STK3: variants seen among roughly 807,000 people sequenced by gnomAD.
The protein encoded by STK3 is serine/threonine kinase 3, also known as serine/threonine-protein kinase 3.
Under a neutral mutation model 58.0 loss-of-function variants are expected in STK3, and 41 were observed. That is an observed-to-expected ratio of 0.71 (90% CI 0.55 to 0.92). STK3 has a LOEUF of 0.92. Among genes scored for constraint, STK3 ranks in the 40% least tolerant of loss-of-function variants. The probability of loss-of-function intolerance (pLI) is 0.00; values close to 1 mark genes in which losing one functional copy is unlikely to be tolerated. For synonymous variants in STK3, 170 were observed against 191.0 expected, an observed-to-expected ratio of 0.89 and a Z score of 0.91; for missense variants, 479 against 602.7, an observed-to-expected ratio of 0.79 and a Z score of 2.15.
At chr8:98,405,373 A>G (rs552083102) in intron 3 of STK3, among the ~76,000 whole-genome samples, 1 of 152,356 alleles carries the variant, frequency 6.6e-6, no homozygotes, top group East Asian at 1.9e-4. Context: ...TAAAGTGCTT[A>G]GGATTTGTCT....
At chr8:98,412,651 A>G (rs1336641340) in intron 3 of STK3, among the ~76,000 whole-genome samples, 2 of 152,226 alleles carry the variant, frequency 1.3e-5, no homozygotes, top group African/African-American at 4.8e-5. Flanking sequence ...AAGCAGTTGC[A>G]TATCTATCAG....
chr8:98,349,578 A>C, the STK3 span, among the ~76,000 whole-genome samples: 5 of 152,222 alleles, frequency 3.3e-5, no homozygotes, highest in South Asian at 6.2e-4. Flanking sequence ...TCCTTTCTGC[A>C]CTGCCCTAGC....
At chr8:98,422,535 G>A (rs1358792150) in intron 3 of STK3, among the ~76,000 whole-genome samples, 2 of 152,198 alleles carry the variant, frequency 1.3e-5, no homozygotes, top group Non-Finnish European at 2.9e-5. Context: ...CCTCTTCCAA[G>A]GAGGAGGAGA....
rs1825968390 is a variant in STK3 at position 98,706,456 on chromosome 8, A to G, written c.684+11T>C. 6.3e-7 allele frequency: 1 copy of G among 1,598,426 alleles called. No individual in the cohort carries two copies. The highest frequency in any genetic ancestry group is 8.5e-7 in the Non-Finnish European group (1 of 1,174,196). ...AAGGCTAACATTTTCAGCAAACCAT[A>G]ATTTTCTTACCCTCATTGGATGTAT... On this transcript the variant is annotated intron_variant, in intron 6 of 10. Transcript: ENST00000419617.
chr8:98,929,210 G>A (rs1322347586), intron 1 of STK3, among the ~76,000 whole-genome samples: 1 of 152,082 alleles, frequency 6.6e-6, no homozygotes, highest in Non-Finnish European at 1.5e-5. Context: ...AGGTTGCAGT[G>A]AACTGAGCAC....
intron 10 of STK3, among the ~76,000 whole-genome samples, chr8:98,497,182 A>C (rs1050142116): frequency 8.5e-5 from 13 of 152,158 alleles, no homozygotes; most frequent in Admixed American, 4.6e-4. Flanking sequence ...GCAGGGTACC[A>C]AGATAACTCA....
intron 9 of STK3, among the ~76,000 whole-genome samples, chr8:98,544,500 A>G (rs770642940): frequency 2.0e-5 from 3 of 152,164 alleles, no homozygotes; most frequent in Non-Finnish European, 2.9e-5. Flanking sequence ...CTGAATGGGT[A>G]TCTTAAGGAA....
At chr8:98,596,220 CAAAT>C in intron 6 of STK3, 51 bp from the exon 7 acceptor site, 1 of 1,531,096 alleles carries the variant, frequency 6.5e-7, no homozygotes, top group South Asian at 1.3e-5. Context: ...CTAGCACAAT[CAAAT>C]AAACAAATCT....
chr8:98,621,247 G>C (rs1281668137), intron 6 of STK3, among the ~76,000 whole-genome samples: 3 of 152,184 alleles, frequency 2.0e-5, no homozygotes, highest in Non-Finnish European at 4.4e-5. Flanking sequence ...GCCAACAACT[G>C]ATTTTTATAT....
At chr8:98,865,321 GC>G (rs1311163100) in intron 3 of STK3, among the ~76,000 whole-genome samples, 1 of 152,070 alleles carries the variant, frequency 6.6e-6, no homozygotes, top group Admixed American at 6.5e-5. Context: ...ATACCTCTCA[GC>G]CTCCCAACAT....
chr8:98,501,038 C>T (rs555136537), intron 10 of STK3, among the ~76,000 whole-genome samples: 2 of 152,056 alleles, frequency 1.3e-5, no homozygotes, highest in South Asian at 2.1e-4. Context: ...AGTGTAAAAG[C>T]GTTCCTATTT....
At chr8:98,474,642 T>C (rs1017402866) in intron 10 of STK3, among the ~76,000 whole-genome samples, 13 of 152,164 alleles carry the variant, frequency 8.5e-5, no homozygotes, top group African/African-American at 2.4e-5. Context: ...CTACTGAGAG[T>C]GTCCTTTCCC....
chr8:98,487,118 G>T (rs1822330609), intron 10 of STK3, among the ~76,000 whole-genome samples: 1 of 152,082 alleles, frequency 6.6e-6, no homozygotes, highest in Non-Finnish European at 1.5e-5. Flanking sequence ...GGCCCAGTGG[G>T]GAATATGAGA....
chr8:98,808,990 G>T (rs977426909), intron 1 of STK3, among the ~76,000 whole-genome samples: 8 of 152,064 alleles, frequency 5.3e-5, no homozygotes, highest in Non-Finnish European at 8.8e-5. Context: ...ATGCCTACAG[G>T]GTGAAGCCTC....
the STK3 span, among the ~76,000 whole-genome samples, chr8:98,361,062 C>T: frequency 2.6e-5 from 4 of 152,194 alleles, no homozygotes; most frequent in Admixed American, 6.5e-5. Context: ...TATTTTCACA[C>T]TCCTGTAGAC....
At chr8:98,752,646 AAG>A (rs1830053604) in intron 3 of STK3, among the ~76,000 whole-genome samples, 1 of 152,168 alleles carries the variant, frequency 6.6e-6, no homozygotes, top group Non-Finnish European at 1.5e-5. Context: ...AGAAACTATC[AAG>A]AGAGTAAATA....
rs974383463 is a variant in STK3 at position 98,430,500 on chromosome 8, T to C, written n.483+3627A>G. On this transcript the variant is annotated intron_variant and non_coding_transcript_variant, in intron 3 of 3. Coordinates refer to the STK3 transcript ENST00000517832. ...TACTTTTGTTGCCTACTCTGAAAGC[T>C]CATCAAATGAGAGCCCTTTTATTTC... 1.8e-5 allele frequency: 3 copies of C among 167,218 alleles called. No individual in the cohort carries two copies. The South Asian group carries it at 6.2e-4, about 35-fold the overall frequency. 10.4% of individuals were successfully genotyped at this position (167,218 alleles called of 1,614,324 possible). A position where few individuals can be genotyped will look rare whatever the true frequency, so the allele number is the denominator to read the frequency against.
At chr8:98,727,146 G>A (rs560434705) in intron 4 of STK3, among the ~76,000 whole-genome samples, 1 of 152,244 alleles carries the variant, frequency 6.6e-6, no homozygotes, top group East Asian at 1.9e-4. Context: ...TTGAACATAT[G>A]ACCTAGGTCT....
At chr8:98,382,103 T>C (rs1817738306) in intron 1 of STK3, among the ~76,000 whole-genome samples, 1 of 151,300 alleles carries the variant, frequency 6.6e-6, no homozygotes, top group Admixed American at 6.6e-5. Flanking sequence ...ACCTAGGAGG[T>C]GGTGGGCTGG....
Sources: gnomAD v4.1 joint callset for allele counts (sites outside exome capture counted in the v4.1 genomes callset) on GRCh38, gnomAD v4.1.1 for gene constraint, MANE v1.5 for transcripts, NCBI Gene and HGNC (gene_info 2026-07-23, HGNC 2026-07-21) for gene names.